Variants in SAXO1 observed in about 807,000 individuals in gnomAD.
SAXO1 encodes the protein stabilizer of axonemal microtubules 1.
SAXO1 carries 21 observed loss-of-function variants against 17.5 expected under a neutral mutation model. That is an observed-to-expected ratio of 1.20 (90% CI 0.85 to 1.72). The LOEUF is 1.72. Ranked by LOEUF, SAXO1 falls within the 40% of genes most tolerant of loss-of-function variation. The pLI is 0.00. For missense variants in SAXO1, 843 were observed against 596.0 expected (o/e 1.41, Z -4.32); for synonymous variants, 274 against 216.5 (o/e 1.27, Z -2.33).
chr9:19,004,923 T>C (rs1465838269), intron 1 of SAXO1, among the ~76,000 whole-genome samples: 2 of 152,112 alleles, frequency 1.3e-5, no homozygotes, highest in African/African-American at 4.8e-5. Context: ...CTCTTTGAAC[T>C]AATAAATGAA....
rs10646825 is a variant in SAXO1, at chr9:19,011,848, G to GTTTTTTTTTTTTTTTTTTTTTTTTT, written c.38+21022_38+21023insAAAAAAAAAAAAAAAAAAAAAAAAA. On this transcript the variant is annotated intron_variant, in intron 1 of 3. Coordinates refer to ENST00000380534, the MANE Select transcript of SAXO1 (RefSeq NM_153707.4). ...TTCAATTTTACCATTATTAAGCATA[G>GTTTTTTTTTTTTTTTTTTTTTTTTT]ATTTTTTTTTTTTTTTGAGATGGAG... Among the ~76,000 whole-genome samples, 2 of 143,522 alleles carry GTTTTTTTTTTTTTTTTTTTTTTTTT rather than the reference G, an allele frequency of 1.4e-5. 1 individual carries two copies. Among genetic ancestry groups the GTTTTTTTTTTTTTTTTTTTTTTTTT allele is most frequent in the Non-Finnish European group, 3.0e-5 (2 of 66,496 alleles). The allele number at this position is 143,522 out of a possible 152,430, so 94.2% of individuals were successfully genotyped here. A position where few individuals can be genotyped will look rare whatever the true frequency, so the allele number is the denominator to read the frequency against.
chr9:19,006,302 G>A (rs1456913152), intron 1 of SAXO1, among the ~76,000 whole-genome samples: 2 of 152,210 alleles, frequency 1.3e-5, no homozygotes, highest in African/African-American at 4.8e-5. Context: ...AGCAGGGACT[G>A]AAACAGATAC....
intron 1 of SAXO1, among the ~76,000 whole-genome samples, chr9:18,995,813 C>T (rs1833977025): frequency 6.6e-6 from 1 of 152,104 alleles, no homozygotes; most frequent in Admixed American, 6.5e-5. Context: ...GGTGTGGTGG[C>T]TTTTGCCTGT....
In SAXO1 at chr9:18,950,789, G is replaced by A. The variant is rs6475273; in HGVS notation, c.187C>T (p.Pro63Ser). ...FKPRREYQKG[P>S]IPMEGLTTSR... ...GTAGTCAGGCCTTCCATTGGTATAG[G>A]CCCTTTCTGGTACTCCCGCCTTGGC... Residue 63 changes from proline (P) to serine (S), a missense_variant, in exon 2 of 4, where the codon CCT (proline) becomes TCT (serine). Transcript: ENST00000380534. 1,245,565 of 1,612,834 alleles carry A rather than the reference G, an allele frequency of 0.77. 483,231 individuals carry two copies. Among genetic ancestry groups the A allele is most frequent in the African/African-American group, 0.89 (66,702 of 74,936 alleles).
chr9:18,953,803 A>G (rs574828816), intron 1 of SAXO1, among the ~76,000 whole-genome samples: 1 of 152,370 alleles, frequency 6.6e-6, no homozygotes, highest in East Asian at 1.9e-4. Flanking sequence ...ACAGTGTGTA[A>G]GAGGATGATC....
intron 2 of SAXO1, among the ~76,000 whole-genome samples, chr9:18,945,012 G>T (rs1366415311): frequency 2.0e-5 from 3 of 152,098 alleles, no homozygotes; most frequent in Admixed American, 6.5e-5. Flanking sequence ...AATCTCATCT[G>T]CAGACCATCT....
At chr9:19,007,889 C>G (rs1314129193) in intron 1 of SAXO1, among the ~76,000 whole-genome samples, 2 of 151,996 alleles carry the variant, frequency 1.3e-5, no homozygotes, top group Non-Finnish European at 2.9e-5. Context: ...TTGTCTATGG[C>G]TACTTTTGTA....
At chr9:19,009,533 C>T (rs1834633983) in intron 1 of SAXO1, among the ~76,000 whole-genome samples, 1 of 152,060 alleles carries the variant, frequency 6.6e-6, no homozygotes, top group African/African-American at 2.4e-5. Flanking sequence ...TGGGCAAACT[C>T]CCGAGACCCC....
chr9:18,958,364 C>A (rs924106950), intron 1 of SAXO1, among the ~76,000 whole-genome samples: 15 of 152,060 alleles, frequency 9.9e-5, no homozygotes, highest in African/African-American at 3.6e-4. Context: ...GCAGAGGTTG[C>A]CCTGAGTCGA....
At chr9:19,013,970 C>A (rs1009249041) in intron 1 of SAXO1, among the ~76,000 whole-genome samples, 2 of 152,092 alleles carry the variant, frequency 1.3e-5, no homozygotes. Flanking sequence ...TCTGGTGAGT[C>A]TGAAATACAG....
At chr9:19,027,672 C>T (rs1835554317) in intron 1 of SAXO1, 3 of 1,358,296 alleles carry the variant, frequency 2.2e-6, no homozygotes, top group Admixed American at 3.4e-5. Flanking sequence ...GAGAAAGCGC[C>T]CTCCATCATC....
At chr9:19,021,133 G>C (rs1169023987) in intron 1 of SAXO1, among the ~76,000 whole-genome samples, 1 of 152,208 alleles carries the variant, frequency 6.6e-6, no homozygotes, top group African/African-American at 2.4e-5. Context: ...GACCACAGGA[G>C]ACAGCCTCAT....
intron 3 of SAXO1, among the ~76,000 whole-genome samples, chr9:18,938,137 C>T (rs1219450939): frequency 2.0e-5 from 3 of 152,102 alleles, no homozygotes; most frequent in African/African-American, 7.2e-5. Flanking sequence ...TTTATTAACT[C>T]TGTTTAAGTA....
intron 1 of SAXO1, among the ~76,000 whole-genome samples, chr9:18,969,899 G>A (rs995592597): frequency 1.3e-5 from 2 of 152,246 alleles, no homozygotes; most frequent in African/African-American, 4.8e-5. Flanking sequence ...TCATAGAACA[G>A]TCCATTTTAA....
intron 1 of SAXO1, among the ~76,000 whole-genome samples, chr9:18,989,074 T>A (rs573310795): frequency 6.6e-6 from 1 of 152,190 alleles, no homozygotes; most frequent in South Asian, 2.1e-4. Flanking sequence ...ATAGAATGAG[T>A]TATATTGGTC....
At chr9:18,996,955 T>C (rs894312640) in intron 1 of SAXO1, among the ~76,000 whole-genome samples, 3 of 151,826 alleles carry the variant, frequency 2.0e-5, no homozygotes, top group Non-Finnish European at 4.4e-5. Flanking sequence ...AAAAAAAATC[T>C]AGGCAAATTT....
chr9:18,978,287 C>T (rs901190061), intron 1 of SAXO1, among the ~76,000 whole-genome samples: 1 of 152,138 alleles, frequency 6.6e-6, no homozygotes, highest in Non-Finnish European at 1.5e-5. Context: ...GCTCCTAGCA[C>T]GCTTCCCAAA....
chr9:18,932,548 T>G (rs1831100633), intron 3 of SAXO1, among the ~76,000 whole-genome samples: 1 of 152,236 alleles, frequency 6.6e-6, no homozygotes. Context: ...CTAAAATTAC[T>G]TTGCCAAGTT....
intron 3 of SAXO1, among the ~76,000 whole-genome samples, chr9:18,936,991 G>A (rs1314230734): frequency 6.6e-6 from 1 of 152,208 alleles, no homozygotes; most frequent in Non-Finnish European, 1.5e-5. Flanking sequence ...AATCTAGATG[G>A]CACCCACTGA....
Sources: gnomAD v4.1 joint callset for allele counts (sites outside exome capture counted in the v4.1 genomes callset) on GRCh38, gnomAD v4.1.1 for gene constraint, MANE v1.5 for transcripts, NCBI Gene and HGNC (gene_info 2026-07-23, HGNC 2026-07-21) for gene names.